The following MYO16 variants were observed in gnomAD, a reference collection of about 807,000 sequenced individuals.
MYO16 encodes myosin XVI, also known as unconventional myosin-XVI.
In MYO16, 94 loss-of-function variants were observed where a neutral mutation model predicts 205.3. The ratio of observed to expected loss-of-function variants is 0.46; its 90% CI spans 0.39 to 0.54. The LOEUF is 0.54. Among genes scored for constraint, MYO16 ranks in the 20% least tolerant of loss-of-function variants. The probability of loss-of-function intolerance (pLI) is 0.00; values close to 1 mark genes in which losing one functional copy is unlikely to be tolerated. For synonymous variants in MYO16, 988 were observed against 954.0 expected, an observed-to-expected ratio of 1.04 and a Z score of -0.66; for missense variants, 2,315 against 2,387.5, an observed-to-expected ratio of 0.97 and a Z score of 0.63.
intron 6 of MYO16, among the ~76,000 whole-genome samples, chr13:108,798,050 A>C (rs937650208): frequency 7.0e-6 from 1 of 142,180 alleles, no homozygotes; most frequent in African/African-American, 2.7e-5. Context: ...CAAGAAAGTA[A>C]CAATGAACAA....
At chr13:108,529,276 A>G in the MYO16 span, among the ~76,000 whole-genome samples, 1 of 152,180 alleles carries the variant, frequency 6.6e-6, no homozygotes, top group Non-Finnish European at 1.5e-5. Context: ...CAGAGCAGGT[A>G]GAGTTACGTG....
intron 16 of MYO16, among the ~76,000 whole-genome samples, chr13:108,913,779 T>G (rs191076184): frequency 7.2e-5 from 11 of 152,340 alleles, no homozygotes; most frequent in African/African-American, 2.6e-4. Context: ...CAGACAAGAC[T>G]GAAAACCCAA....
chr13:108,532,033 C>G, the MYO16 span, among the ~76,000 whole-genome samples: 1 of 151,872 alleles, frequency 6.6e-6, no homozygotes, highest in African/African-American at 2.4e-5. Context: ...ATGGTGAAAC[C>G]CTGTCTTACT....
In MYO16 at chr13:109,206,808, C is replaced by T. The variant is rs1442815176; in HGVS notation, c.5615C>T (p.Pro1872Leu). The change falls in exon 35 of 35, where the codon CCG (proline) becomes CTG (leucine). Residue 1872 changes from proline to leucine, a missense_variant. By Grantham distance (98) the Pro-to-Leu change is moderately conservative. Around this residue, in one of 3 missense-constraint regions of MYO16, gnomAD observed 1,097 missense variants for 1,092.0 expected, o/e 1.00. Transcript: ENST00000457511. ...KPEGASCNRL[P>L]SELWDTTI ...GAAGGGGCCTCCTGCAACAGGCTGC[C>T]GTCTGAGCTCTGGGACACCACCATT... 19 of 1,613,980 alleles carry T rather than the reference C, an allele frequency of 1.2e-5. No homozygotes were observed. The highest frequency in any genetic ancestry group is 5.3e-5 in the African/African-American group (4 of 74,936).
Position 108,610,954 on chromosome 13 carries a change from T to C in MYO16, c.-39+14715T>C, listed in dbSNP as rs561721224. Among the ~76,000 whole-genome samples, 11 of 152,232 alleles carry C rather than the reference T, an allele frequency of 7.2e-5. No individual in the cohort carries two copies. The South Asian group carries it at 1.7e-3, about 23-fold the overall frequency. Reference sequence around the variant, plus strand: ...TTCAGTAAAAAATTAAGTTGACTCATAGTAATAAAAGAGATGACAGGAAAG... The same window carrying C: ...TTCAGTAAAAAATTAAGTTGACTCACAGTAATAAAAGAGATGACAGGAAAG... On this transcript the variant is annotated intron_variant, in intron 1 of 24. Coordinates refer to the MYO16 transcript ENST00000251041.
intron 34 of MYO16, among the ~76,000 whole-genome samples, chr13:109,199,599 A>G (rs1880323806): frequency 6.6e-6 from 1 of 152,152 alleles, no homozygotes; most frequent in Admixed American, 6.5e-5. Context: ...AAAAGATACC[A>G]CTATGGCATC....
intron 14 of MYO16, among the ~76,000 whole-genome samples, chr13:108,897,075 A>C (rs1381202772): frequency 6.6e-6 from 1 of 152,200 alleles, no homozygotes; most frequent in East Asian, 1.9e-4. Flanking sequence ...TGTTCTCAAA[A>C]AAACACTATT....
Position 108,629,753 on chromosome 13 carries a change from A to G in MYO16, c.-92A>G. 1 of 1,217,532 alleles carries G rather than the reference A, an allele frequency of 8.2e-7. No homozygotes were observed. Among genetic ancestry groups the G allele is most frequent in the Non-Finnish European group, 1.2e-6 (1 of 865,514 alleles). The allele number at this position is 1,217,532 out of a possible 1,614,324, so 75.4% of individuals were successfully genotyped here. A position where few individuals can be genotyped will look rare whatever the true frequency, so the allele number is the denominator to read the frequency against. On this transcript the variant is annotated 5_prime_UTR_variant, in exon 1 of 35. Coordinates refer to ENST00000457511, the MANE Select transcript of MYO16 (RefSeq NM_001198950.3). ...TCCTGAGGTAAACTGTTACCTGAGT[A>G]AGGGCTTTAAGTAATGCATTTCCTG...
chr13:108,756,022 C>A (rs1885412495), intron 4 of MYO16, among the ~76,000 whole-genome samples: 1 of 152,066 alleles, frequency 6.6e-6, no homozygotes, highest in African/African-American at 2.4e-5. Context: ...GGAAAATTGT[C>A]TTATTTTGTC....
At chr13:108,746,758 AC>A (rs1566584131) in intron 4 of MYO16, among the ~76,000 whole-genome samples, 1 of 152,322 alleles carries the variant, frequency 6.6e-6, no homozygotes, top group East Asian at 1.9e-4. Context: ...CATGACAGAC[AC>A]CAAGCCACAC....
intron 14 of MYO16, 53 bp from the exon 15 acceptor site, chr13:108,897,963 A>G (rs1880510974): frequency 1.4e-6 from 2 of 1,393,176 alleles, no homozygotes; most frequent in Non-Finnish European, 2.0e-6. Context: ...TTACTCATCA[A>G]TTTTATTTCT....
chr13:108,718,792 T>C (rs752930394), intron 3 of MYO16, among the ~76,000 whole-genome samples: 1 of 152,088 alleles, frequency 6.6e-6, no homozygotes, highest in Non-Finnish European at 1.5e-5. Context: ...CATCCATAAC[T>C]GGAAAGTCCC....
At chr13:109,118,477 T>G (rs1201550359) in intron 28 of MYO16, among the ~76,000 whole-genome samples, 3 of 152,190 alleles carry the variant, frequency 2.0e-5, no homozygotes, top group Non-Finnish European at 2.9e-5. Context: ...CTTCCACAGG[T>G]CTTTTAGGCA....
chr13:109,169,074 C>T (rs1386407617), intron 33 of MYO16, among the ~76,000 whole-genome samples: 3 of 152,180 alleles, frequency 2.0e-5, no homozygotes, highest in Non-Finnish European at 4.4e-5. Flanking sequence ...CACTCTGTGC[C>T]CAAGTGTACA....
At chr13:109,093,839 C>T (rs1286805790) in intron 27 of MYO16, among the ~76,000 whole-genome samples, 1 of 152,092 alleles carries the variant, frequency 6.6e-6, no homozygotes, top group Admixed American at 6.6e-5. Flanking sequence ...CCTCTCCAGC[C>T]GCACTCAGCC....
At position 109,151,501 on chromosome 13, in the gene MYO16, G is replaced by A. The variant is rs74119845; in HGVS notation, c.5164+10125G>A. Among the ~76,000 whole-genome samples, 609 of 152,270 alleles carry A rather than the reference G, an allele frequency of 4.0e-3. 2 individuals carry two copies. Among genetic ancestry groups the A allele is most frequent in the African/African-American group, 0.014 (585 of 41,552 alleles). ...GATCCGAGACTTGCACTGATTTACA[G>A]CAGAACACTGACTGCGAGAGACACC... is the stretch of plus-strand genomic sequence containing the variant. On this transcript the variant is annotated intron_variant, in intron 32 of 34. Coordinates refer to ENST00000457511, the MANE Select transcript of MYO16 (RefSeq NM_001198950.3).
At chr13:108,667,894 T>A (rs1039817929) in intron 2 of MYO16, among the ~76,000 whole-genome samples, 1 of 151,908 alleles carries the variant, frequency 6.6e-6, no homozygotes, top group Non-Finnish European at 1.5e-5. Flanking sequence ...AAATATTTTT[T>A]AAAATTAGCT....
At chr13:108,646,335 A>G (rs943610308) in intron 1 of MYO16, among the ~76,000 whole-genome samples, 1 of 152,200 alleles carries the variant, frequency 6.6e-6, no homozygotes, top group African/African-American at 2.4e-5. Context: ...TGAACCACAT[A>G]ACCCCATTTT....
chr13:108,597,333 A>G (rs1182075852), intron 1 of MYO16, among the ~76,000 whole-genome samples: 1 of 152,198 alleles, frequency 6.6e-6, no homozygotes, highest in Non-Finnish European at 1.5e-5. Context: ...CTAGTTTTGC[A>G]CCCCAGAGCA....
Sources: allele counts gnomAD v4.1 joint callset (sites outside exome capture counted in the v4.1 genomes callset), GRCh38; gene constraint gnomAD v4.1.1; regional missense constraint gnomAD v4.1.1; transcripts MANE v1.5; gene names NCBI Gene and HGNC (gene_info 2026-07-23, HGNC 2026-07-21).